Variants in CSMD3 observed in about 807,000 individuals in gnomAD.
CSMD3 encodes the protein CUB and Sushi multiple domains 3.
Under a neutral mutation model 435.2 loss-of-function variants are expected in CSMD3, and 177 were observed. The observed-to-expected ratio is 0.41, with a 90% confidence interval of 0.36 to 0.46. The LOEUF is 0.46. Ranked by LOEUF, CSMD3 falls within the 20% of genes least tolerant of loss-of-function variation. CSMD3 has a pLI of 0.34. For synonymous variants in CSMD3, 1,656 were observed against 1,520.5 expected (o/e 1.09, Z -2.07); for missense variants, 4,265 against 4,504.6 (o/e 0.95, Z 1.52).
intron 42 of CSMD3, among the ~76,000 whole-genome samples, chr8:112,340,823 T>C (rs1218060274): frequency 3.9e-5 from 6 of 152,116 alleles, no homozygotes. Flanking sequence ...TCTGAAAGTA[T>C]AATTAACTCC....
At chr8:112,319,450 T>C (rs1051784894) in intron 46 of CSMD3, among the ~76,000 whole-genome samples, 1 of 152,086 alleles carries the variant, frequency 6.6e-6, no homozygotes, top group Non-Finnish European at 1.5e-5. Context: ...TCCAACTCAG[T>C]TTTAAAGCAA....
At chr8:112,285,479 C>T (rs1319205899) in intron 58 of CSMD3, among the ~76,000 whole-genome samples, 2 of 152,002 alleles carry the variant, frequency 1.3e-5, no homozygotes, top group Non-Finnish European at 2.9e-5. Flanking sequence ...AAATATTAAA[C>T]ATAATCAAAT....
chr8:113,153,807 A>G (rs2091880336), intron 4 of CSMD3, among the ~76,000 whole-genome samples: 1 of 152,002 alleles, frequency 6.6e-6, no homozygotes, highest in Admixed American at 6.6e-5. Flanking sequence ...CTACACACGT[A>G]TTTGGAGTCC....
At chr8:113,298,851 C>T (rs193252039) in intron 2 of CSMD3, among the ~76,000 whole-genome samples, 6 of 152,084 alleles carry the variant, frequency 3.9e-5, no homozygotes, top group East Asian at 1.9e-4. Flanking sequence ...TAAGAAGGAG[C>T]GAGATCCCTA....
chr8:112,862,277 T>G (rs997936701), intron 10 of CSMD3, among the ~76,000 whole-genome samples: 1 of 152,068 alleles, frequency 6.6e-6, no homozygotes, highest in Non-Finnish European at 1.5e-5. Flanking sequence ...ATTTCTTGTT[T>G]TCTTAATGTA....
chr8:113,047,339 T>G (rs968275217), intron 5 of CSMD3, among the ~76,000 whole-genome samples: 1 of 152,266 alleles, frequency 6.6e-6, no homozygotes, highest in Admixed American at 6.5e-5. Context: ...AGAACGGTTC[T>G]GGCACAGAGA....
chr8:112,848,758 G>T (rs1192202949), intron 11 of CSMD3, among the ~76,000 whole-genome samples: 1 of 152,032 alleles, frequency 6.6e-6, no homozygotes, highest in Admixed American at 6.6e-5. Context: ...GAGATGATCT[G>T]CACAACAATT....
intron 10 of CSMD3, among the ~76,000 whole-genome samples, chr8:112,861,129 T>C (rs994357236): frequency 3.3e-5 from 5 of 151,884 alleles, no homozygotes; most frequent in African/African-American, 4.8e-5. Flanking sequence ...GAAACATCTC[T>C]GTTTTGCTTC....
At position 112,289,301 on chromosome 8, in the gene CSMD3, G is replaced by A. The variant is rs2130653069; in HGVS notation, c.9148+64C>T. 4.7e-6 allele frequency: 6 copies of A among 1,267,656 alleles called. No individual in the cohort carries two copies. The Admixed American group carries it at 6.8e-5, about 14-fold the overall frequency. The allele number at this position is 1,267,656 out of a possible 1,614,324, so 78.5% of individuals were successfully genotyped here. On this transcript the variant is annotated intron_variant, in intron 57 of 70. Transcript: ENST00000297405. ...CTTTAGATTGTTTTGTGTATACGTT[G>A]CTACTACTACTACTAACAATAATGT...
intron 61 of CSMD3, among the ~76,000 whole-genome samples, chr8:112,257,067 T>G (rs922102371): frequency 3.3e-5 from 5 of 152,220 alleles, no homozygotes; most frequent in African/African-American, 1.2e-4. Context: ...AAACCTCCTT[T>G]TAGTAGCATT....
rs1234845497 is a variant in CSMD3 at position 112,265,474 on chromosome 8, C to T, written c.9625G>A (p.Gly3209Ser). The change falls in exon 60 of 71, where the codon GGC (glycine) becomes AGC (serine). Residue 3209 changes from glycine (G) to serine (S), a missense_variant. Gly to Ser is a moderately conservative substitution (Grantham distance 56). Transcript: ENST00000297405. ...CQPGYTMELN[G>S]SRIRTCTING... ...ATTGTACAAGTCCTGATTCTGGAGC[C>T]ATTCAATTCCATCGTGTAGCCTGGC... 6 of 1,613,764 alleles carry T rather than the reference C, an allele frequency of 3.7e-6. No individual in the cohort carries two copies.
intron 23 of CSMD3, among the ~76,000 whole-genome samples, chr8:112,579,025 T>C (rs912116935): frequency 6.6e-6 from 1 of 152,074 alleles, no homozygotes; most frequent in African/African-American, 2.4e-5. Context: ...GACTTTTGTG[T>C]ATGCAATTTA....
chr8:112,346,102 C>T lies in CSMD3; in HGVS notation c.6437G>A (p.Gly2146Asp). The change falls in exon 41 of 71, where the codon GGT becomes GAT. Residue 2146 changes from glycine to aspartate, a missense_variant. Around this residue, in one of 3 missense-constraint regions of CSMD3, gnomAD observed 3,255 missense variants for 3,380.2 expected, o/e 0.96. Transcript: ENST00000297405. ...CGTGTTTTTAATACACATACCAAAA[C>T]CTATGGGTAGATTTATTGTCCATGT... ...DCTWTINLPIGFGVHLQFVNF... is the reference protein window; with the variant it reads ...DCTWTINLPIDFGVHLQFVNF... 1.3e-6 allele frequency: 2 copies of T among 1,559,632 alleles called. No homozygotes were observed. The highest frequency in any genetic ancestry group is 1.4e-5 in the African/African-American group (1 of 73,852).
rs548103518 is a variant in CSMD3 at position 113,022,479 on chromosome 8, A to G, written c.918-3300T>C. Reference sequence around the variant, plus strand: ...CAGTAAAATTAAAACATACAAACAAATAAATAAATAATATATATTTCAGAT... The same window carrying G: ...CAGTAAAATTAAAACATACAAACAAGTAAATAAATAATATATATTTCAGAT... On this transcript the variant is annotated intron_variant, in intron 5 of 70. Transcript: ENST00000297405. Among the ~76,000 whole-genome samples, 3 of 152,080 alleles carry G rather than the reference A, an allele frequency of 2.0e-5. No individual in the cohort carries two copies. In the South Asian group the frequency reaches 6.2e-4, roughly 32 times the overall value.
intron 11 of CSMD3, among the ~76,000 whole-genome samples, 197 bp downstream of exon 11, chr8:112,858,948 T>C (rs1048705715): frequency 1.3e-5 from 2 of 151,888 alleles, no homozygotes; most frequent in Non-Finnish European, 2.9e-5. Flanking sequence ...GTTAGTAGCT[T>C]GGAGTAGAAT....
intron 3 of CSMD3, among the ~76,000 whole-genome samples, chr8:113,246,291 A>T (rs1368121804): frequency 2.0e-5 from 3 of 151,982 alleles, no homozygotes; most frequent in Non-Finnish European, 4.4e-5. Flanking sequence ...ACAATGAATA[A>T]TCTCAATTGA....
intron 1 of CSMD3, among the ~76,000 whole-genome samples, chr8:113,388,590 C>T (rs2094448994): frequency 6.6e-6 from 1 of 151,422 alleles, no homozygotes. Flanking sequence ...TAGTTGGTCA[C>T]CACACATGGT....
At position 113,299,434 on chromosome 8, in the gene CSMD3, T is replaced by C. The variant is rs188771612; in HGVS notation, c.401+15137A>G. Among the ~76,000 whole-genome samples, 786 of 152,264 alleles carry C rather than the reference T, an allele frequency of 5.2e-3. 10 individuals carry two copies. The highest frequency in any genetic ancestry group is 0.018 in the African/African-American group (760 of 41,560). ...ATGGGGGTTGAGGAAACAGATTCCA[T>C]GGTCTAGAAATCAGATTGAATTCAG... On this transcript the variant is annotated intron_variant, in intron 2 of 70. Coordinates refer to ENST00000297405, the MANE Select transcript of CSMD3 (RefSeq NM_198123.2).
At chr8:112,241,083 A>G (rs546687409) in intron 66 of CSMD3, among the ~76,000 whole-genome samples, 3 of 152,064 alleles carry the variant, frequency 2.0e-5, no homozygotes, top group Non-Finnish European at 4.4e-5. Flanking sequence ...AGCCCTTACT[A>G]TGGGCTACGC....
Sources: gnomAD v4.1 joint callset for allele counts (sites outside exome capture counted in the v4.1 genomes callset) on GRCh38, gnomAD v4.1.1 for gene constraint, gnomAD v4.1.1 regional missense constraint, MANE v1.5 for transcripts, NCBI Gene and HGNC (gene_info 2026-07-23, HGNC 2026-07-21) for gene names.